Variants in HMGA2 observed in about 807,000 individuals in gnomAD.
HMGA2 encodes the protein high mobility group AT-hook 2.
HMGA2 carries 8 observed loss-of-function variants against 19.1 expected under a neutral mutation model. That is an observed-to-expected ratio of 0.42 (90% CI 0.25 to 0.76). The LOEUF (loss-of-function observed/expected upper bound fraction) is 0.76. HMGA2 is among the 30% of genes least tolerant of loss of function. The probability of loss-of-function intolerance (pLI) is 0.28; values close to 1 mark genes in which losing one functional copy is unlikely to be tolerated. For missense variants in HMGA2, 109 were observed against 136.3 expected (o/e 0.80, Z 1.00); for synonymous variants, 60 against 48.8 (o/e 1.23, Z -0.96).
intron 3 of HMGA2, among the ~76,000 whole-genome samples, chr12:65,889,685 G>A (rs117030837): frequency 2.7e-4 from 41 of 152,304 alleles, no homozygotes; most frequent in South Asian, 2.3e-3. Flanking sequence ...GGGAAAGTAC[G>A]TATCAGGGCT....
intron 3 of HMGA2, among the ~76,000 whole-genome samples, chr12:65,872,653 A>G (rs1872769240): frequency 6.6e-6 from 1 of 152,144 alleles, no homozygotes; most frequent in African/African-American, 2.4e-5. Context: ...CCACTGCCAC[A>G]TTCTTTGTAC....
intron 3 of HMGA2, chr12:65,859,918 T>TAAAA: frequency 9.1e-6 from 2 of 219,254 alleles, no homozygotes; most frequent in Non-Finnish European, 1.9e-5. Flanking sequence ...GCCCCATCTC[T>TAAAA]AAAAAAAAAA....
At chr12:65,851,163 G>A (rs921280731) in intron 3 of HMGA2, among the ~76,000 whole-genome samples, 1 of 152,160 alleles carries the variant, frequency 6.6e-6, no homozygotes. Context: ...AATGAGGCTG[G>A]TAATATCTCC....
chr12:65,911,238 T>C (rs1429884998), intron 3 of HMGA2, among the ~76,000 whole-genome samples: 1 of 152,176 alleles, frequency 6.6e-6, no homozygotes, highest in African/African-American at 2.4e-5. Flanking sequence ...TAGACTCAAG[T>C]GTTGGAGGTA....
chr12:65,824,733 C>A lies in HMGA2; in HGVS notation c.-538C>A, dbSNP rs112210993. ...ATCTCTTCTCTCTCTCTCTCTCTCT[C>A]TCTCTCTCTCTCTCTCTCTCTCTCT... On this transcript the variant is annotated 5_prime_UTR_variant, in exon 1 of 5. Transcript: ENST00000403681. 1 of 179,134 alleles carries A rather than the reference C, an allele frequency of 5.6e-6. No individual in the cohort carries two copies. The highest frequency in any genetic ancestry group is 1.0e-5 in the Non-Finnish European group (1 of 98,192). The allele number at this position is 179,134 out of a possible 1,614,324, so 11.1% of individuals were successfully genotyped here.
At chr12:65,926,182 T>C (rs1160511866) in intron 3 of HMGA2, among the ~76,000 whole-genome samples, 4 of 152,202 alleles carry the variant, frequency 2.6e-5, no homozygotes, top group Non-Finnish European at 5.9e-5. Context: ...TTTTGAAAAG[T>C]GTTAACTCCG....
chr12:65,827,887 C>T (rs966312704), intron 1 of HMGA2, 114 bp from the exon 2 acceptor site: 27 of 754,520 alleles, frequency 3.6e-5, no homozygotes, highest in East Asian at 1.5e-4. Context: ...TTGAACTGAA[C>T]GTGTTCCAAC....
intron 3 of HMGA2, among the ~76,000 whole-genome samples, chr12:65,866,255 A>G (rs534673175): frequency 7.9e-5 from 12 of 152,324 alleles, no homozygotes; most frequent in Admixed American, 2.0e-4. Context: ...TGTGGCTCTT[A>G]CATTCTAGAG....
intron 3 of HMGA2, among the ~76,000 whole-genome samples, chr12:65,888,544 G>A (rs1592423109): frequency 1.4e-5 from 2 of 142,900 alleles, no homozygotes; most frequent in East Asian, 2.1e-4. Flanking sequence ...TAGAGTGCCC[G>A]TGGTGTGCTC....
intron 3 of HMGA2, among the ~76,000 whole-genome samples, chr12:65,862,401 A>G (rs1384655023): frequency 6.6e-6 from 1 of 152,132 alleles, no homozygotes; most frequent in East Asian, 1.9e-4. Flanking sequence ...CTTTTATTAT[A>G]GTATTATCAA....
At chr12:65,894,025 A>G (rs1874026244) in intron 3 of HMGA2, among the ~76,000 whole-genome samples, 1 of 152,212 alleles carries the variant, frequency 6.6e-6, no homozygotes, top group Non-Finnish European at 1.5e-5. Context: ...TCTAGCTAAC[A>G]ATTGGTATTA....
chr12:65,936,592 ACT>A (rs1875904601), intron 3 of HMGA2, among the ~76,000 whole-genome samples: 1 of 152,162 alleles, frequency 6.6e-6, no homozygotes, highest in Non-Finnish European at 1.5e-5. Context: ...ATTTATTGAT[ACT>A]GAGCACTGCA....
Position 65,946,672 on chromosome 12 carries a change from A to T in HMGA2, c.250-4711A>T, listed in dbSNP as rs558376365. ...TGAGTATCAGCTTTAAAATACCTAGACTTCCTGGAACCATAGATTGTATTC... is the reference window on the plus strand; with the variant it reads ...TGAGTATCAGCTTTAAAATACCTAGTCTTCCTGGAACCATAGATTGTATTC... On this transcript the variant is annotated intron_variant, in intron 3 of 4. Coordinates refer to ENST00000403681, the MANE Select transcript of HMGA2 (RefSeq NM_003483.6). Among the ~76,000 whole-genome samples the T allele has an allele frequency of 2.6e-5, 4 of 152,100 alleles. No individual in the cohort carries two copies. In the East Asian group the frequency reaches 5.8e-4, roughly 22 times the overall value.
In HMGA2 at chr12:65,965,778, T is replaced by C. The variant is rs139284844; in HGVS notation, c.*2486T>C. On this transcript the variant is annotated 3_prime_UTR_variant, in exon 5 of 5. Coordinates refer to ENST00000403681, the MANE Select transcript of HMGA2 (RefSeq NM_003483.6). The stretch of plus-strand genomic sequence containing the variant: ...TTCCATCTCTGGTAAAGTTACACTT[T>C]TATTTCCTGTATGTTGTACAATCAA... The C allele has an allele frequency of 9.1e-6, 2 of 220,440 alleles. No homozygotes were observed. The highest frequency in any genetic ancestry group is 1.3e-4 in the East Asian group (2 of 15,064). The allele number at this position is 220,440 out of a possible 1,614,324, so 13.7% of individuals were successfully genotyped here. A position where few individuals can be genotyped will look rare whatever the true frequency, so the allele number is the denominator to read the frequency against.
chr12:65,860,548 G>A (rs1425599658), intron 3 of HMGA2, among the ~76,000 whole-genome samples: 1 of 152,136 alleles, frequency 6.6e-6, no homozygotes, highest in African/African-American at 2.4e-5. Flanking sequence ...TAAACTCCTT[G>A]AGAACAGTTT....
chr12:65,956,844 C>A (rs1876619948), intron 4 of HMGA2: 1 of 152,108 alleles, frequency 6.6e-6, no homozygotes, highest in Admixed American at 6.5e-5. Flanking sequence ...TGGATAAAAA[C>A]CAATTGTTTA....
At chr12:65,841,609 C>T (rs936673903) in intron 3 of HMGA2, among the ~76,000 whole-genome samples, 4 of 152,186 alleles carry the variant, frequency 2.6e-5, no homozygotes, top group African/African-American at 9.7e-5. Flanking sequence ...AAGTTCAATT[C>T]TTTCCAACAG....
chr12:65,853,241 A>G (rs1235668206), intron 3 of HMGA2, among the ~76,000 whole-genome samples: 1 of 152,176 alleles, frequency 6.6e-6, no homozygotes, highest in African/African-American at 2.4e-5. Context: ...TGGACATGGT[A>G]ATGCTTAAAT....
At chr12:65,906,479 TG>T (rs1351630686) in intron 3 of HMGA2, among the ~76,000 whole-genome samples, 27 of 152,370 alleles carry the variant, frequency 1.8e-4, no homozygotes, top group African/African-American at 6.5e-4. Context: ...TGTTTATTCA[TG>T]GGCTCTGTAG....
Sources: gnomAD v4.1 joint callset for allele counts (sites outside exome capture counted in the v4.1 genomes callset) on GRCh38, gnomAD v4.1.1 for gene constraint, MANE v1.5 for transcripts, NCBI Gene and HGNC (gene_info 2026-07-23, HGNC 2026-07-21) for gene names.